The following ZFHX3 variants were observed in gnomAD, a reference collection of about 807,000 sequenced individuals.
ZFHX3 encodes zinc finger homeobox protein 3.
ZFHX3 carries 42 observed loss-of-function variants against 279.1 expected under a neutral mutation model. The ratio of observed to expected loss-of-function variants is 0.15; its 90% confidence interval spans 0.12 to 0.19. The LOEUF is 0.19. Among genes scored for constraint, ZFHX3 ranks in the 10% least tolerant of loss-of-function variants. The probability of loss-of-function intolerance (pLI) is 1.00; values close to 1 mark genes in which losing one functional copy is unlikely to be tolerated. For synonymous variants in ZFHX3, 2,293 were observed against 1,957.8 expected, an observed-to-expected ratio of 1.17 and a Z score of -4.52; for missense variants, 4,981 against 4,754.0, an observed-to-expected ratio of 1.05 and a Z score of -1.40.
At position 73,019,942 on chromosome 16, in the gene ZFHX3, TG is replaced by T. The variant is rs748047749; in HGVS notation, c.-50+27809del. Among the ~76,000 whole-genome samples, 58 of 152,342 alleles carry T rather than the reference TG, an allele frequency of 3.8e-4. 1 individual carries two copies. The highest frequency in any genetic ancestry group is 2.7e-3 in the Admixed American group (42 of 15,304). On this transcript the variant is annotated intron_variant, in intron 1 of 9. Coordinates refer to ENST00000268489, the MANE Select transcript of ZFHX3 (RefSeq NM_006885.4). ...AAAAAATGTCTGTTCCAACTCTGTC[TG>T]GGTCCCGTACTGAGCCCTTTAACCT...
chr16:72,985,790 G>A (rs1024997110), intron 1 of ZFHX3, among the ~76,000 whole-genome samples: 4 of 152,028 alleles, frequency 2.6e-5, no homozygotes, highest in Admixed American at 6.6e-5. Context: ...GCAGTCTTCC[G>A]CCCAACCAGG....
intron 2 of ZFHX3, among the ~76,000 whole-genome samples, chr16:73,563,822 T>A (rs1473961347): frequency 3.3e-5 from 5 of 152,106 alleles, no homozygotes; most frequent in South Asian, 2.1e-4. Flanking sequence ...AGAAAAAAAA[T>A]TTTAAAGTAT....
intron 3 of ZFHX3, among the ~76,000 whole-genome samples, chr16:72,949,753 C>T (rs545019662): frequency 7.3e-6 from 1 of 137,294 alleles, no homozygotes; most frequent in African/African-American, 2.7e-5. Flanking sequence ...AGCAACAGAG[C>T]GGGGAAGAAA....
intron 2 of ZFHX3, among the ~76,000 whole-genome samples, chr16:73,470,392 G>C (rs79540142): frequency 0.024 from 3,590 of 152,244 alleles, 133 homozygotes; most frequent in African/African-American, 0.08. Flanking sequence ...TTCACGTTTA[G>C]CGTGTTGTCT....
intron 5 of ZFHX3, among the ~76,000 whole-genome samples, chr16:73,229,080 G>A (rs13330316): frequency 0.032 from 4,882 of 152,178 alleles, 227 homozygotes; most frequent in African/African-American, 0.1. Flanking sequence ...TATTAGAGAT[G>A]GTCAGTATTG....
chr16:72,810,036 G>A lies in ZFHX3; in HGVS notation c.3864+1541C>T, dbSNP rs758279558. On this transcript the variant is annotated intron_variant, in intron 7 of 9. Transcript: ENST00000268489. ...TGGGACTACAGGCGCCTGCCACCAC[G>A]CCCGGCTAATTTTTTGTATTTTATT... Among the ~76,000 whole-genome samples, 11 of 151,578 alleles carry A rather than the reference G, an allele frequency of 7.3e-5. No homozygotes were observed. The East Asian group carries it at 2.1e-3, about 29-fold the overall frequency.
chr16:73,553,931 G>C (rs1056853197), intron 2 of ZFHX3, among the ~76,000 whole-genome samples: 2 of 152,162 alleles, frequency 1.3e-5, no homozygotes, highest in African/African-American at 4.8e-5. Context: ...GAAAAAGTAG[G>C]GCAGATGATC....
intron 2 of ZFHX3, among the ~76,000 whole-genome samples, chr16:73,553,490 C>A (rs1343173359): frequency 6.6e-6 from 1 of 152,118 alleles, no homozygotes; most frequent in Non-Finnish European, 1.5e-5. Context: ...GAGCAGAGTC[C>A]AGACCAGGGC....
chr16:73,886,781 A>C (rs886841878), intron 1 of ZFHX3, among the ~76,000 whole-genome samples: 2 of 152,232 alleles, frequency 1.3e-5, no homozygotes, highest in Non-Finnish European at 2.9e-5. Flanking sequence ...ATAAACAAAC[A>C]GTGTATTAAG....
chr16:73,014,844 A>T (rs1291152927), intron 1 of ZFHX3, among the ~76,000 whole-genome samples: 1 of 151,820 alleles, frequency 6.6e-6, no homozygotes, highest in African/African-American at 2.4e-5. Flanking sequence ...TCAAGAGGAA[A>T]CTAGTATAGC....
At chr16:73,274,207 T>A (rs2014232409) in intron 4 of ZFHX3, among the ~76,000 whole-genome samples, 1 of 152,230 alleles carries the variant, frequency 6.6e-6, no homozygotes, top group Non-Finnish European at 1.5e-5. Flanking sequence ...AAATTTGTAT[T>A]CCTGTGAAGA....
At chr16:73,138,576 T>A (rs985489435) in intron 6 of ZFHX3, among the ~76,000 whole-genome samples, 1 of 152,152 alleles carries the variant, frequency 6.6e-6, no homozygotes, top group Non-Finnish European at 1.5e-5. Context: ...TCCCCTTCTC[T>A]TACCCTCCAC....
Position 72,794,684 on chromosome 16 carries a change from C to T in ZFHX3, c.7998G>A (p.Pro2666=), listed in dbSNP as rs375992104. 1.3e-5 allele frequency: 21 copies of T among 1,614,108 alleles called. No homozygotes were observed. The highest frequency in any genetic ancestry group is 4.5e-5 in the East Asian group (2 of 44,900). Residue 2666 remains proline (P), a synonymous_variant, in exon 9 of 10, where the codon CCG becomes CCA. Transcript: ENST00000268489. The surrounding 1 kb of genome is among the most constrained non-coding windows in gnomAD (Gnocchi z 4.2). ...CAATGTGATCCAACATCTTTCGAGT[C>T]GGATTGGAATCCAGTAGATACTTCT... ...LYQKYLLDSN[P]TRKMLDHIAH... is the part of the protein sequence containing the mutation.
chr16:73,044,738 C>T (rs1040793026), intron 1 of ZFHX3, among the ~76,000 whole-genome samples: 2 of 152,206 alleles, frequency 1.3e-5, no homozygotes, highest in African/African-American at 2.4e-5. Context: ...TCTCCTGCCT[C>T]GGCCTCCTGA....
intron 3 of ZFHX3, among the ~76,000 whole-genome samples, chr16:73,393,058 C>T (rs992144425): frequency 3.9e-5 from 6 of 152,198 alleles, no homozygotes; most frequent in East Asian, 1.9e-4. Context: ...TGGTCTTGAA[C>T]GCCTGACCTC....
chr16:73,691,368 G>A (rs1398926710), intron 1 of ZFHX3, among the ~76,000 whole-genome samples: 1 of 152,164 alleles, frequency 6.6e-6, no homozygotes, highest in Non-Finnish European at 1.5e-5. Context: ...AATATTGACT[G>A]AAGGAACTCA....
chr16:73,647,012 C>G (rs2078583), intron 2 of ZFHX3, among the ~76,000 whole-genome samples: 1 of 136,590 alleles, frequency 7.3e-6, no homozygotes, highest in African/African-American at 3.2e-5. Flanking sequence ...GTTGTGCCAA[C>G]CTTTTTTTTT....
chr16:73,061,497 G>A (rs888899187), upstream of ZFHX3: 1 of 149,452 alleles, frequency 6.7e-6, no homozygotes, highest in South Asian at 2.1e-4. Context: ...CAGTTTGTCC[G>A]GTTTCTGATT....
intron 8 of ZFHX3, among the ~76,000 whole-genome samples, chr16:73,088,331 T>G (rs892930416): frequency 6.6e-6 from 1 of 151,798 alleles, no homozygotes; most frequent in Admixed American, 6.6e-5. Flanking sequence ...TTTTGTATTT[T>G]TCGTAGAGAT....
Sources: allele counts gnomAD v4.1 joint callset (sites outside exome capture counted in the v4.1 genomes callset), GRCh38; gene constraint gnomAD v4.1.1; non-coding constraint Gnocchi (gnomAD v3.1); transcripts MANE v1.5; gene names NCBI Gene and HGNC (gene_info 2026-07-23, HGNC 2026-07-21).